ADAMTS12: variants seen among roughly 807,000 people sequenced by gnomAD.
ADAMTS12 encodes the protein ADAM metallopeptidase with thrombospondin type 1 motif 12.
In ADAMTS12, 118 loss-of-function variants were observed where a neutral mutation model predicts 167.8. The observed-to-expected ratio is 0.70, with a 90% CI of 0.61 to 0.82. The LOEUF is 0.82. ADAMTS12 is among the 40% of genes least tolerant of loss of function. The pLI, the probability that ADAMTS12 is intolerant of heterozygous loss-of-function variation, is 0.00. For synonymous variants in ADAMTS12, 704 were observed against 716.9 expected (o/e 0.98, Z 0.29); for missense variants, 1,916 against 1,998.8 (o/e 0.96, Z 0.79).
At chr5:33,837,178 A>G (rs1408080855) in intron 2 of ADAMTS12, among the ~76,000 whole-genome samples, 6 of 152,232 alleles carry the variant, frequency 3.9e-5, no homozygotes, top group Non-Finnish European at 7.3e-5. Flanking sequence ...GAATGAGACC[A>G]GGTCAGAGAT....
intron 2 of ADAMTS12, among the ~76,000 whole-genome samples, chr5:33,827,046 T>C (rs997797201): frequency 3.5e-5 from 5 of 143,564 alleles, no homozygotes; most frequent in African/African-American, 1.3e-4. Context: ...TCCACAAAAA[T>C]TAATGTCTAT....
chr5:33,639,373 T>C (rs1740349598), intron 11 of ADAMTS12, among the ~76,000 whole-genome samples: 1 of 152,002 alleles, frequency 6.6e-6, no homozygotes. Context: ...ATATAAGAAA[T>C]GAGAGAAAAT....
intron 3 of ADAMTS12, among the ~76,000 whole-genome samples, chr5:33,704,316 C>T (rs1743109114): frequency 6.6e-6 from 1 of 152,168 alleles, no homozygotes; most frequent in Non-Finnish European, 1.5e-5. Flanking sequence ...CATGGGAAAG[C>T]AGATATCTCT....
rs1746792887 is a variant in ADAMTS12, at chr5:33,577,166, AGAGAGAAACAGCTGTTAGCCTGGC to A, written c.2866-30_2866-7del. On this transcript the variant is annotated splice_polypyrimidine_tract_variant and splice_region_variant and intron_variant, in intron 18 of 23. Coordinates refer to ENST00000504830, the MANE Select transcript of ADAMTS12 (RefSeq NM_030955.4). ...CCACCACAGGAAACAGAACACTAGA[AGAGAGAAACAGCTGTTAGCCTGGC>A]GAGAGAAGATGCTTTTATTCTCATG... 1.9e-6 allele frequency: 3 copies of A among 1,614,012 alleles called. No individual in the cohort carries two copies. Among genetic ancestry groups the A allele is most frequent in the Non-Finnish European group, 2.5e-6 (3 of 1,180,026 alleles).
At chr5:33,660,748 A>G (rs1741228813) in intron 6 of ADAMTS12, among the ~76,000 whole-genome samples, 1 of 152,136 alleles carries the variant, frequency 6.6e-6, no homozygotes, top group African/African-American at 2.4e-5. Flanking sequence ...GCTATTTCCC[A>G]GGGGACCTAT....
intron 2 of ADAMTS12, among the ~76,000 whole-genome samples, chr5:33,817,323 T>C (rs1204255856): frequency 6.6e-6 from 1 of 152,166 alleles, no homozygotes; most frequent in Non-Finnish European, 1.5e-5. Context: ...AATTCATTCA[T>C]ACCTGCAATT....
chr5:33,816,202 A>G (rs750125111), intron 2 of ADAMTS12, among the ~76,000 whole-genome samples: 1 of 152,088 alleles, frequency 6.6e-6, no homozygotes, highest in Non-Finnish European at 1.5e-5. Flanking sequence ...ACAGTTTATA[A>G]TTGTGTAAAT....
At chr5:33,688,396 T>A (rs1561215492) in intron 3 of ADAMTS12, among the ~76,000 whole-genome samples, 1 of 92,362 alleles carries the variant, frequency 1.1e-5, no homozygotes, top group Non-Finnish European at 2.3e-5. Flanking sequence ...AGTGCAGATG[T>A]CTGTCCAGCG....
At position 33,824,318 on chromosome 5, in the gene ADAMTS12, G is replaced by T. The variant is rs999535421; in HGVS notation, c.489+56801C>A. Among the ~76,000 whole-genome samples the T allele has an allele frequency of 1.1e-4, 16 of 152,242 alleles. 1 individual carries two copies. The highest frequency in any genetic ancestry group is 2.2e-4 in the African/African-American group (9 of 41,554). On this transcript the variant is annotated intron_variant, in intron 2 of 23. Coordinates refer to ENST00000504830, the MANE Select transcript of ADAMTS12 (RefSeq NM_030955.4). Reference sequence around the variant, plus strand: ...CCAGAAGACGGGAACAGAAAGGGGGGACTTACGGGTTTGCAGCAGCCCCAG... The same window carrying T: ...CCAGAAGACGGGAACAGAAAGGGGGTACTTACGGGTTTGCAGCAGCCCCAG...
chr5:33,547,475 G>A (rs73758592), intron 21 of ADAMTS12, among the ~76,000 whole-genome samples: 1 of 152,202 alleles, frequency 6.6e-6, no homozygotes, highest in South Asian at 2.1e-4. Context: ...GTTGAGGCGG[G>A]CCGATATGCT....
At chr5:33,530,231 T>C (rs1744032672) in intron 23 of ADAMTS12, among the ~76,000 whole-genome samples, 1 of 152,138 alleles carries the variant, frequency 6.6e-6, no homozygotes, top group Non-Finnish European at 1.5e-5. Flanking sequence ...TGGCCTTGTT[T>C]TTCTTTTTGT....
intron 11 of ADAMTS12, among the ~76,000 whole-genome samples, chr5:33,640,977 G>T (rs1479792455): frequency 6.6e-6 from 1 of 151,606 alleles, no homozygotes; most frequent in East Asian, 1.9e-4. Flanking sequence ...CACTTTTATT[G>T]CTCGCCTTTT....
chr5:33,648,508 C>A (rs1319162579), intron 9 of ADAMTS12, among the ~76,000 whole-genome samples: 1 of 152,142 alleles, frequency 6.6e-6, no homozygotes, highest in African/African-American at 2.4e-5. Flanking sequence ...AGAAAGGGAG[C>A]AATTTTAGGG....
intron 3 of ADAMTS12, among the ~76,000 whole-genome samples, chr5:33,747,439 T>C (rs137855044): frequency 1.4e-4 from 21 of 152,200 alleles, no homozygotes; most frequent in Admixed American, 4.6e-4. Flanking sequence ...TATGGGAAAA[T>C]GGGAACTCTC....
At chr5:33,717,614 C>G (rs964209068) in intron 3 of ADAMTS12, among the ~76,000 whole-genome samples, 1 of 152,134 alleles carries the variant, frequency 6.6e-6, no homozygotes, top group African/African-American at 2.4e-5. Context: ...CCTTCCCCAC[C>G]AAGCACCCTG....
intron 2 of ADAMTS12, among the ~76,000 whole-genome samples, chr5:33,846,143 G>A (rs1748935896): frequency 6.6e-6 from 1 of 152,114 alleles, no homozygotes; most frequent in South Asian, 2.1e-4. Context: ...CCCAAACTGA[G>A]GGACATCCTA....
chr5:33,536,014 T>C (rs989520888), intron 22 of ADAMTS12, among the ~76,000 whole-genome samples: 5 of 152,214 alleles, frequency 3.3e-5, no homozygotes, highest in Non-Finnish European at 7.3e-5. Flanking sequence ...GGAGATTCGC[T>C]GGCCTGGGAA....
chr5:33,844,126 T>C (rs369693087), intron 2 of ADAMTS12, among the ~76,000 whole-genome samples: 3 of 152,230 alleles, frequency 2.0e-5, no homozygotes, highest in East Asian at 1.9e-4. Flanking sequence ...CTTAATCCTG[T>C]CATCTCGTAA....
chr5:33,873,198 A>G (rs1049281342), intron 2 of ADAMTS12, among the ~76,000 whole-genome samples: 6 of 151,844 alleles, frequency 4.0e-5, no homozygotes, highest in African/African-American at 1.4e-4. Context: ...TCCTGAAACA[A>G]TTGTAGCAAG....
Sources: allele counts gnomAD v4.1 joint callset (sites outside exome capture counted in the v4.1 genomes callset), GRCh38; gene constraint gnomAD v4.1.1; transcripts MANE v1.5; gene names NCBI Gene and HGNC (gene_info 2026-07-23, HGNC 2026-07-21).